CUL3: variants seen among roughly 807,000 people sequenced by gnomAD.
CUL3 encodes the protein cullin 3, also known as cullin-3.
In CUL3, 19 loss-of-function variants were observed where a neutral mutation model predicts 89.1. The ratio of observed to expected loss-of-function variants is 0.21; its 90% CI spans 0.15 to 0.31. CUL3 has a LOEUF of 0.31. Among genes scored for constraint, CUL3 ranks in the 10% least tolerant of loss-of-function variants. CUL3 has a pLI of 1.00. For synonymous variants in CUL3, 351 were observed against 308.4 expected, an observed-to-expected ratio of 1.14 and a Z score of -1.45; for missense variants, 469 against 942.3, an observed-to-expected ratio of 0.50 and a Z score of 6.58.
At chr2:224,550,055 G>A (rs1488376784) in intron 2 of CUL3, among the ~76,000 whole-genome samples, 1 of 151,994 alleles carries the variant, frequency 6.6e-6, no homozygotes, top group African/African-American at 2.4e-5. Flanking sequence ...AATTCCTCAG[G>A]GTGCAATCCT....
At chr2:224,515,115 G>A (rs184571846) in intron 3 of CUL3, among the ~76,000 whole-genome samples, 42 of 152,270 alleles carry the variant, frequency 2.8e-4, no homozygotes, top group African/African-American at 9.1e-4. Context: ...AACATGGTTC[G>A]TTCTTAAATA....
chr2:224,564,576 G>A (rs556771780), intron 1 of CUL3, among the ~76,000 whole-genome samples: 21 of 152,216 alleles, frequency 1.4e-4, no homozygotes, highest in African/African-American at 4.1e-4. Context: ...TAAATTAAAC[G>A]TCATAGGAAA....
rs980276130 is a variant in CUL3 at position 224,585,358 on chromosome 2, GTCC to G, written c.-352_-350del. On this transcript the variant is annotated 5_prime_UTR_variant, in exon 1 of 16. Transcript: ENST00000264414. ...CATCTCACTGCGCAGGCCGAACGTC[GTCC>G]TCCTCCTCCTCCTTCTCCTCCTCCG... 55 of 398,982 alleles carry G rather than the reference GTCC, an allele frequency of 1.4e-4. No individual in the cohort carries two copies. Among genetic ancestry groups the G allele is most frequent in the Middle Eastern group, 6.2e-4 (1 of 1,622 alleles). 24.7% of individuals were successfully genotyped at this position (398,982 alleles called of 1,614,324 possible). A position where few individuals can be genotyped will look rare whatever the true frequency, so the allele number is the denominator to read the frequency against.
chr2:224,477,737 A>G (rs1394580207), intron 15 of CUL3, among the ~76,000 whole-genome samples: 1 of 152,130 alleles, frequency 6.6e-6, no homozygotes, highest in African/African-American at 2.4e-5. Flanking sequence ...TGTCAATTCT[A>G]CTTCCCAATT....
At chr2:224,516,318 CTTTTTTTT>C (rs68130414) in intron 3 of CUL3, among the ~76,000 whole-genome samples, 1 of 133,444 alleles carries the variant, frequency 7.5e-6, no homozygotes, top group African/African-American at 2.8e-5. Flanking sequence ...TTTTTGTTTG[CTTTTTTTT>C]TTTTTTTTTG....
At chr2:224,570,534 C>CT (rs1409006363) in intron 1 of CUL3, among the ~76,000 whole-genome samples, 2 of 152,016 alleles carry the variant, frequency 1.3e-5, no homozygotes, top group African/African-American at 4.8e-5. Flanking sequence ...TGATTAGTGA[C>CT]TTAAAACTGA....
At chr2:224,478,435 TAAA>T in intron 14 of CUL3, 90 bp from the exon 15 acceptor site, 2 of 1,279,864 alleles carry the variant, frequency 1.6e-6, no homozygotes, top group Non-Finnish European at 2.1e-6. Context: ...AATCCACAGA[TAAA>T]AACCAATTTC....
intron 2 of CUL3, among the ~76,000 whole-genome samples, chr2:224,555,785 C>G (rs1694675986): frequency 6.6e-6 from 1 of 152,172 alleles, no homozygotes; most frequent in African/African-American, 2.4e-5. Flanking sequence ...CAATTTCATT[C>G]TTTCCCATAA....
Position 224,585,261 on chromosome 2 carries a change from TC to T in CUL3, c.-253del. 2 of 388,718 alleles carry T rather than the reference TC, an allele frequency of 5.1e-6. No homozygotes were observed. Among genetic ancestry groups the T allele is most frequent in the Non-Finnish European group, 9.0e-6 (2 of 223,334 alleles). The allele number at this position is 388,718 out of a possible 1,614,324, so 24.1% of individuals were successfully genotyped here. On this transcript the variant is annotated 5_prime_UTR_variant, in exon 1 of 16. Transcript: ENST00000264414. ...GCGCTGGCGCGGCGGCTCCGCGGGG[TC>T]CCCCTCACGTCCGGCTCGGCTCCCT...
chr2:224,561,280 C>A (rs1694893500), intron 1 of CUL3, among the ~76,000 whole-genome samples: 1 of 152,108 alleles, frequency 6.6e-6, no homozygotes, highest in Non-Finnish European at 1.5e-5. Context: ...GACTAATGAC[C>A]CCTTTGTAAA....
intron 3 of CUL3, among the ~76,000 whole-genome samples, chr2:224,522,259 GA>G (rs750277635): frequency 3.9e-5 from 6 of 152,004 alleles, no homozygotes. Context: ...GACAGAAATA[GA>G]AAAATTTTAA....
At chr2:224,530,156 G>A (rs899802524) in intron 3 of CUL3, among the ~76,000 whole-genome samples, 1 of 151,900 alleles carries the variant, frequency 6.6e-6, no homozygotes, top group Non-Finnish European at 1.5e-5. Flanking sequence ...GGAGAATGGC[G>A]TGAACCCGGA....
intron 3 of CUL3, among the ~76,000 whole-genome samples, chr2:224,521,438 T>G (rs1383654050): frequency 6.6e-6 from 1 of 151,936 alleles, no homozygotes; most frequent in Non-Finnish European, 1.5e-5. Flanking sequence ...TACTTCTTTT[T>G]TTTTTTTTTT....
At chr2:224,501,360 T>C (rs1246910968) in intron 10 of CUL3, among the ~76,000 whole-genome samples, 1 of 152,210 alleles carries the variant, frequency 6.6e-6, no homozygotes, top group Non-Finnish European at 1.5e-5. Context: ...ATCTGTACAA[T>C]GAATAACTAC....
Position 224,549,531 on chromosome 2 carries a change from T to C in CUL3, c.264+8128A>G, listed in dbSNP as rs576271879. Among the ~76,000 whole-genome samples, 43 of 152,278 alleles carry C rather than the reference T, an allele frequency of 2.8e-4. 1 individual carries two copies. Among genetic ancestry groups the C allele is most frequent in the Admixed American group, 3.9e-4 (6 of 15,298 alleles). On this transcript the variant is annotated intron_variant, in intron 2 of 15. Coordinates refer to ENST00000264414, the MANE Select transcript of CUL3 (RefSeq NM_003590.5). ...TACTTTAAATCCCAGAAAGGTTTAGTAATTTGTTCAAGATTATTAGTGAGA... is the reference window on the plus strand; with the variant it reads ...TACTTTAAATCCCAGAAAGGTTTAGCAATTTGTTCAAGATTATTAGTGAGA...
Position 224,511,177 on chromosome 2 carries a change from G to A in CUL3, c.883+177C>T, listed in dbSNP as rs10498162. 0.061 allele frequency among the ~76,000 whole-genome samples: 9,233 copies of A among 152,180 alleles called. 395 individuals are homozygous for A. The highest frequency in any genetic ancestry group is 0.099 in the Middle Eastern group (29 of 294). ...TTCATTAGAAATATCTAAAATCTTC[G>A]TTAGTAAGACAGAATCAAGCTTGGA... On this transcript the variant is annotated intron_variant, in intron 6 of 15. Transcript: ENST00000264414.
At position 224,503,653 on chromosome 2, in the gene CUL3, T is replaced by C. The variant is rs199469658; in HGVS notation, c.1376A>G (p.Lys459Arg). 1 of 1,579,984 alleles carries C rather than the reference T, an allele frequency of 6.3e-7. No individual in the cohort carries two copies. Among genetic ancestry groups the C allele is most frequent in the Non-Finnish European group, 8.6e-7 (1 of 1,166,486 alleles). ...TATTTCATCTAAAACACACCTTACC[T>C]TTAACTTAGATATCATGTTTTTTTC... ...DSEKNMISKL[K>R]TECGCQFTSK... The change falls in exon 9 of 16, where the codon AAG (lysine) becomes AGG (arginine). Residue 459 changes from lysine (K) to arginine (R), a missense_variant and splice_region_variant. Around this residue, in one of 4 missense-constraint regions of CUL3, gnomAD observed 370 missense variants for 733.2 expected, o/e 0.50. Transcript: ENST00000264414.
At chr2:224,498,556 ACT>A (rs1344706182) in intron 11 of CUL3, among the ~76,000 whole-genome samples, 6 of 152,170 alleles carry the variant, frequency 3.9e-5, no homozygotes, top group Non-Finnish European at 7.4e-5. Flanking sequence ...ATTTCTGTGA[ACT>A]CGAGACTATA....
chr2:224,561,002 C>T (rs1694884557), intron 1 of CUL3, among the ~76,000 whole-genome samples: 1 of 152,200 alleles, frequency 6.6e-6, no homozygotes, highest in African/African-American at 2.4e-5. Context: ...CCCTCAGTTT[C>T]CTGCATGGCT....
Sources: gnomAD v4.1 joint callset for allele counts (sites outside exome capture counted in the v4.1 genomes callset) on GRCh38, gnomAD v4.1.1 for gene constraint, gnomAD v4.1.1 regional missense constraint, MANE v1.5 for transcripts, NCBI Gene and HGNC (gene_info 2026-07-23, HGNC 2026-07-21) for gene names.